The following LARS1 variants were observed in gnomAD, a reference collection of about 807,000 sequenced individuals.
The protein encoded by LARS1 is leucyl-tRNA synthetase 1, also known as leucine--tRNA ligase, cytoplasmic.
Under a neutral mutation model 162.8 loss-of-function variants are expected in LARS1, and 100 were observed. That is an observed-to-expected ratio of 0.61 (90% CI 0.52 to 0.73). LARS1 has a LOEUF of 0.73. Among genes scored for constraint, LARS1 ranks in the 30% least tolerant of loss-of-function variants. The pLI, the probability that LARS1 is intolerant of heterozygous loss-of-function variation, is 0.00. For synonymous variants in LARS1, 457 were observed against 462.8 expected (o/e 0.99, Z 0.16); for missense variants, 1,258 against 1,408.9 (o/e 0.89, Z 1.71).
intron 6 of LARS1, among the ~76,000 whole-genome samples, chr5:146,162,163 A>C (rs192934386): frequency 8.6e-4 from 131 of 152,338 alleles, no homozygotes; most frequent in Admixed American, 2.3e-3. Context: ...TGGCATCTAG[A>C]ACAATGAATC....
chr5:146,130,156 G>A lies in LARS1; in HGVS notation c.2490C>T (p.Ala830=), dbSNP rs775052438. 2.6e-5 allele frequency: 42 copies of A among 1,610,178 alleles called. No individual in the cohort carries two copies. The highest frequency in any genetic ancestry group is 5.4e-5 in the African/African-American group (4 of 74,648). ...CCAATTCACGGTACTTATCTTTTGC[G>A]GCCTATAAAATTTGAAATTATTTAC... ...ALKTGFFEFQ[A]AKDKYRELAV... Residue 830 remains alanine, a splice_region_variant and synonymous_variant, in exon 25 of 32, where the codon GCC becomes GCT. Transcript: ENST00000394434.
At chr5:146,169,543 T>A (rs993016579) in intron 4 of LARS1, among the ~76,000 whole-genome samples, 4 of 152,034 alleles carry the variant, frequency 2.6e-5, no homozygotes, top group African/African-American at 9.7e-5. Flanking sequence ...GATTACTTTT[T>A]AATTTCTTTC....
Position 146,156,556 on chromosome 5 carries a change from G to A in LARS1, c.1065+847C>T, listed in dbSNP as rs142987116. 7.8e-3 allele frequency among the ~76,000 whole-genome samples: 1,188 copies of A among 152,054 alleles called. 14 individuals are homozygous for A. The highest frequency in any genetic ancestry group is 0.027 in the African/African-American group (1,129 of 41,468). Reference sequence around the variant, plus strand: ...TAAAAATACAAAAAATTAGCTGGGCGTGGTGGCCCGCACCTGTAATCCCAG... The same window carrying A: ...TAAAAATACAAAAAATTAGCTGGGCATGGTGGCCCGCACCTGTAATCCCAG... On this transcript the variant is annotated intron_variant, in intron 10 of 31. Transcript: ENST00000394434.
intron 14 of LARS1, 63 bp from the exon 15 acceptor site, chr5:146,149,762 T>C: frequency 8.4e-7 from 1 of 1,192,286 alleles, no homozygotes; most frequent in East Asian, 2.3e-5. Context: ...TTGAGTTTCT[T>C]TCCTAATTTT....
In LARS1 at chr5:146,143,444, C is replaced by T; in HGVS notation, c.1845G>A (p.Leu615=). The change falls in exon 19 of 32, where the codon TTG becomes TTA. Residue 615 remains leucine, a synonymous_variant. Transcript: ENST00000394434. The stretch of plus-strand genomic sequence containing the variant: ...CCAGCGGAGACTCTGCCTGTCCATG[C>T]AAGTTACCCCCCTGCAATAGGTGTG... The part of the protein sequence containing the change: ...TVAHLLQGGN[L]HGQAESPLGI... The T allele has an allele frequency of 1.2e-6, 2 of 1,613,690 alleles. No homozygotes were observed. The highest frequency in any genetic ancestry group is 2.2e-5 in the South Asian group (2 of 91,036).
At chr5:146,123,011 G>C (rs889315122) in intron 29 of LARS1, among the ~76,000 whole-genome samples, 5 of 151,992 alleles carry the variant, frequency 3.3e-5, no homozygotes, top group East Asian at 1.9e-4. Context: ...CTGAACATAA[G>C]GTGCGTCTGC....
chr5:146,122,928 G>C (rs1446151378), intron 29 of LARS1, among the ~76,000 whole-genome samples: 1 of 151,832 alleles, frequency 6.6e-6, no homozygotes, highest in Non-Finnish European at 1.5e-5. Flanking sequence ...GAGAATAAAA[G>C]GCTTCCACTT....
chr5:146,134,207 C>CA (rs1752412863), intron 22 of LARS1, among the ~76,000 whole-genome samples: 2 of 150,572 alleles, frequency 1.3e-5, no homozygotes, highest in African/African-American at 4.9e-5. Flanking sequence ...CTTTTATCAC[C>CA]AAATCCAATC....
intron 23 of LARS1, chr5:146,132,475 T>G (rs1188912412): frequency 6.4e-6 from 1 of 155,766 alleles, no homozygotes; most frequent in African/African-American, 2.4e-5. Context: ...TATTTATCCT[T>G]TTCTTTTAAT....
chr5:146,151,259 T>C (rs999294227), intron 14 of LARS1, among the ~76,000 whole-genome samples: 5 of 152,070 alleles, frequency 3.3e-5, no homozygotes, highest in African/African-American at 4.8e-5. Context: ...TCCAGAAAAA[T>C]GTAGGAAAGC....
At chr5:146,123,731 A>G (rs972555281) in intron 29 of LARS1, among the ~76,000 whole-genome samples, 1 of 151,884 alleles carries the variant, frequency 6.6e-6, no homozygotes, top group Non-Finnish European at 1.5e-5. Context: ...AGCCAGATAT[A>G]CAGTTTTTTA....
chr5:146,133,227 T>A, intron 22 of LARS1, 146 bp from the exon 23 acceptor site: 1 of 587,508 alleles, frequency 1.7e-6, no homozygotes, highest in Admixed American at 3.5e-5. Context: ...ACAACAAAAA[T>A]TAAAATCACC....
chr5:146,120,831 T>C lies in LARS1; in HGVS notation c.3193-328A>G, dbSNP rs74510329. Among the ~76,000 whole-genome samples, 5,288 of 152,278 alleles carry C rather than the reference T, an allele frequency of 0.035. 320 individuals carry two copies. Among genetic ancestry groups the C allele is most frequent in the African/African-American group, 0.12 (4,916 of 41,546 alleles). ...AAGCACTTCATCGACGTTAGTTCTA[T>C]ATCCCTGAAGTAGTTCTTTTGTACC... is the stretch of plus-strand genomic sequence containing the variant. On this transcript the variant is annotated intron_variant, in intron 30 of 31. Coordinates refer to ENST00000394434, the MANE Select transcript of LARS1 (RefSeq NM_020117.11).
chr5:146,120,212 C>T, intron 31 of LARS1, 159 bp downstream of exon 31: 2 of 776,200 alleles, frequency 2.6e-6, no homozygotes, highest in South Asian at 3.4e-5. Flanking sequence ...GCCACAGAGT[C>T]CCAAAAAGAA....
At chr5:146,171,498 T>C (rs958720771) in intron 4 of LARS1, among the ~76,000 whole-genome samples, 2 of 152,230 alleles carry the variant, frequency 1.3e-5, no homozygotes, top group Non-Finnish European at 1.5e-5. Flanking sequence ...GAATTATTTC[T>C]AATACAAACT....
At chr5:146,123,607 C>A (rs966754326) in intron 29 of LARS1, among the ~76,000 whole-genome samples, 1 of 151,746 alleles carries the variant, frequency 6.6e-6, no homozygotes, top group East Asian at 1.9e-4. Context: ...TAATCCAATT[C>A]TGCAAATCAA....
rs1036752328 is a variant in LARS1, at chr5:146,123,160, A to G, written c.3097-573T>C. Among the ~76,000 whole-genome samples, 5 of 152,022 alleles carry G rather than the reference A, an allele frequency of 3.3e-5. No homozygotes were observed. In the East Asian group the frequency reaches 7.7e-4, roughly 23 times the overall value. ...TAAAATAAAATACTTAATTAGAAAC[A>G]ACTTTCTTCCATCTCCGTATTTCAC... On this transcript the variant is annotated intron_variant, in intron 29 of 31. Transcript: ENST00000394434.
At position 146,164,370 on chromosome 5, in the gene LARS1, T is replaced by C. The variant is rs934998413; in HGVS notation, c.534A>G (p.Glu178=). 2.5e-6 allele frequency: 4 copies of C among 1,614,148 alleles called. No homozygotes were observed. The highest frequency in any genetic ancestry group is 3.4e-6 in the Non-Finnish European group (4 of 1,179,988). ...DEEIVKFSEA[E]HWLDYFPPLA... is the part of the protein sequence containing the mutation. Reference sequence around the variant, plus strand: ...GTGGCGGGAAATAATCAAGCCAATGTTCTGCTTCAGAAAATTTTACTATCT... The same window carrying C: ...GTGGCGGGAAATAATCAAGCCAATGCTCTGCTTCAGAAAATTTTACTATCT... Residue 178 remains glutamate, a synonymous_variant, in exon 6 of 32, where the codon GAA becomes GAG. Transcript: ENST00000394434.
intron 5 of LARS1, among the ~76,000 whole-genome samples, chr5:146,165,519 A>C (rs574911065): frequency 6.6e-6 from 1 of 152,284 alleles, no homozygotes; most frequent in East Asian, 1.9e-4. Context: ...TGACAGAGCA[A>C]GACTATGTCT....
Sources: allele counts gnomAD v4.1 joint callset (sites outside exome capture counted in the v4.1 genomes callset), GRCh38; gene constraint gnomAD v4.1.1; transcripts MANE v1.5; gene names NCBI Gene and HGNC (gene_info 2026-07-23, HGNC 2026-07-21).